Variants in ALK observed in about 807,000 individuals in gnomAD.
ALK encodes ALK tyrosine kinase receptor.
Under a neutral mutation model 163.1 loss-of-function variants are expected in ALK, and 74 were observed. The observed-to-expected ratio is 0.45, with a 90% CI of 0.38 to 0.55. ALK has a LOEUF of 0.55. Among genes scored for constraint, ALK ranks in the 20% least tolerant of loss-of-function variants. ALK has a pLI of 0.00. For missense variants in ALK, 2,063 were observed against 2,105.3 expected, an observed-to-expected ratio of 0.98 and a Z score of 0.39; for synonymous variants, 960 against 843.2, an observed-to-expected ratio of 1.14 and a Z score of -2.40.
chr2:29,583,042 G>T (rs6547956), intron 3 of ALK, among the ~76,000 whole-genome samples: 19,218 of 141,436 alleles, frequency 0.14, 1,671 homozygotes, highest in East Asian at 0.32. Flanking sequence ...TTTGTTTTTT[G>T]TTTTTTTGTT....
chr2:29,462,619 C>A (rs1183074207), intron 4 of ALK, among the ~76,000 whole-genome samples: 1 of 152,116 alleles, frequency 6.6e-6, no homozygotes, highest in Non-Finnish European at 1.5e-5. Flanking sequence ...ACTTAGTAAA[C>A]AAAACTCATA....
intron 1 of ALK, among the ~76,000 whole-genome samples, chr2:29,870,611 T>C (rs1430585168): frequency 6.6e-6 from 1 of 152,172 alleles, no homozygotes; most frequent in Admixed American, 6.5e-5. Flanking sequence ...AAATATTATT[T>C]ATTTATTAAA....
intron 1 of ALK, among the ~76,000 whole-genome samples, chr2:29,845,351 G>A (rs1290253091): frequency 6.6e-6 from 1 of 152,164 alleles, no homozygotes; most frequent in Non-Finnish European, 1.5e-5. Flanking sequence ...AATAAATAAG[G>A]TTTCACGGTT....
intron 1 of ALK, among the ~76,000 whole-genome samples, chr2:29,881,461 G>T (rs1387255063): frequency 2.0e-5 from 3 of 152,164 alleles, no homozygotes; most frequent in Admixed American, 1.3e-4. Context: ...AAGATAGATG[G>T]GGCTTAATTG....
At chr2:29,793,119 C>T (rs989024052) in intron 1 of ALK, among the ~76,000 whole-genome samples, 2 of 152,074 alleles carry the variant, frequency 1.3e-5, no homozygotes, top group African/African-American at 4.8e-5. Flanking sequence ...TATTTTAAAC[C>T]CTTTGCTGCC....
At position 29,263,293 on chromosome 2, in the gene ALK, G is replaced by C. The variant is rs755691142; in HGVS notation, c.2041+11806C>G. Among the ~76,000 whole-genome samples, 11 of 152,270 alleles carry C rather than the reference G, an allele frequency of 7.2e-5. No individual in the cohort carries two copies. In the East Asian group the frequency reaches 1.7e-3, roughly 24 times the overall value. On this transcript the variant is annotated intron_variant, in intron 11 of 28. Transcript: ENST00000389048. ...TTGTAAGGTTCACTAGCATCTAAGA[G>C]AGAGGCAAACGTGTGGGAAGCCCCA...
At chr2:29,868,089 G>T (rs551309236) in intron 1 of ALK, among the ~76,000 whole-genome samples, 163 of 152,342 alleles carry the variant, frequency 1.1e-3, no homozygotes, top group African/African-American at 3.5e-3. Context: ...GCAAAGGCTG[G>T]CCACGAAAGA....
At chr2:29,488,744 G>A (rs1208428883) in intron 4 of ALK, among the ~76,000 whole-genome samples, 1 of 152,196 alleles carries the variant, frequency 6.6e-6, no homozygotes, top group Non-Finnish European at 1.5e-5. Flanking sequence ...GGAGATGAGG[G>A]GATGGGAAGT....
At chr2:29,239,410 G>C (rs1664463983) in intron 13 of ALK, among the ~76,000 whole-genome samples, 1 of 152,130 alleles carries the variant, frequency 6.6e-6, no homozygotes, top group Admixed American at 6.5e-5. Context: ...GGGAGGGGGG[G>C]AGCCTGGCCC....
intron 1 of ALK, among the ~76,000 whole-genome samples, chr2:29,833,389 C>A (rs1386756683): frequency 1.3e-5 from 2 of 152,224 alleles, no homozygotes; most frequent in African/African-American, 4.8e-5. Context: ...AGGAAATCTG[C>A]CTGTTTTCAG....
intron 1 of ALK, among the ~76,000 whole-genome samples, chr2:29,814,225 T>C (rs1013434849): frequency 6.6e-6 from 1 of 152,166 alleles, no homozygotes; most frequent in East Asian, 1.9e-4. Context: ...AACTGACTTG[T>C]CCGTGTTATG....
chr2:29,379,949 A>G (rs1668854446), intron 5 of ALK, among the ~76,000 whole-genome samples: 1 of 152,184 alleles, frequency 6.6e-6, no homozygotes, highest in African/African-American at 2.4e-5. Flanking sequence ...TATAAAGAAA[A>G]GAGGATTAAT....
intron 3 of ALK, among the ~76,000 whole-genome samples, chr2:29,599,809 A>G (rs1214821250): frequency 6.6e-6 from 1 of 152,228 alleles, no homozygotes; most frequent in Non-Finnish European, 1.5e-5. Flanking sequence ...ACCCTAAAAC[A>G]TGAAAACAAA....
intron 4 of ALK, among the ~76,000 whole-genome samples, chr2:29,467,496 G>T (rs1671241135): frequency 6.6e-6 from 1 of 152,014 alleles, no homozygotes; most frequent in Admixed American, 6.6e-5. Context: ...CCATCTGATG[G>T]AGTCCAAGTA....
chr2:29,718,039 G>T (rs1491000039), intron 1 of ALK, among the ~76,000 whole-genome samples: 2 of 152,198 alleles, frequency 1.3e-5, no homozygotes, highest in East Asian at 3.8e-4. Context: ...GCTTTATAGA[G>T]AACTCCAATT....
rs146643572 is a variant in ALK, at chr2:29,309,550, G to A, written c.1647+8754C>T. Among the ~76,000 whole-genome samples the A allele has an allele frequency of 8.9e-3, 1,355 of 152,254 alleles. 16 individuals are homozygous for A. Among genetic ancestry groups the A allele is most frequent in the Non-Finnish European group, 0.013 (892 of 68,018 alleles). On this transcript the variant is annotated intron_variant, in intron 8 of 28. Coordinates refer to ENST00000389048, the MANE Select transcript of ALK (RefSeq NM_004304.5). ...CATTAGCAAGTGCTCTGGCAGAGTCGACCACTTAACAGGCAGTGGTGATAG... is the reference window on the plus strand; with the variant it reads ...CATTAGCAAGTGCTCTGGCAGAGTCAACCACTTAACAGGCAGTGGTGATAG...
intron 1 of ALK, among the ~76,000 whole-genome samples, chr2:29,840,828 C>A (rs116322169): frequency 6.6e-6 from 1 of 152,164 alleles, no homozygotes; most frequent in African/African-American, 2.4e-5. Context: ...TTGGAGTAGA[C>A]AAGGCAATTT....
At chr2:29,420,013 G>A (rs1669977318) in intron 4 of ALK, among the ~76,000 whole-genome samples, 1 of 151,050 alleles carries the variant, frequency 6.6e-6, no homozygotes, top group Non-Finnish European at 1.5e-5. Context: ...ACAAAAATTA[G>A]CTGGGCAAGA....
chr2:29,508,846 T>C (rs1223168170), intron 4 of ALK, among the ~76,000 whole-genome samples: 3 of 150,072 alleles, frequency 2.0e-5, no homozygotes, highest in Non-Finnish European at 2.9e-5. Context: ...GCACAACAAA[T>C]GCTGAGAAGT....
Sources: gnomAD v4.1 joint callset for allele counts (sites outside exome capture counted in the v4.1 genomes callset) on GRCh38, gnomAD v4.1.1 for gene constraint, MANE v1.5 for transcripts, NCBI Gene and HGNC (gene_info 2026-07-23, HGNC 2026-07-21) for gene names.